CSNK2A2IP: variants seen among roughly 807,000 people sequenced by gnomAD.
The protein encoded by CSNK2A2IP is casein kinase 2 subunit alpha' interacting protein.
chr3:88,425,608 A>G, the CSNK2A2IP span, among the ~76,000 whole-genome samples: 1 of 152,164 alleles, frequency 6.6e-6, no homozygotes, highest in Non-Finnish European at 1.5e-5. Flanking sequence ...ACTGTGTTAA[A>G]TAGTGTAAAT....
chr3:88,446,032 T>TTC, the CSNK2A2IP span, among the ~76,000 whole-genome samples: 229 of 5,672 alleles, frequency 0.04, 1 homozygote, highest in Non-Finnish European at 0.061. Flanking sequence ...TTTGTTTCTT[T>TTC]TCTTTCTTTC....
the CSNK2A2IP span, among the ~76,000 whole-genome samples, chr3:88,387,439 G>A: frequency 2.6e-5 from 4 of 152,108 alleles, no homozygotes; most frequent in African/African-American, 9.7e-5. Flanking sequence ...AAAATGCTGG[G>A]ATTACAGGCA....
the CSNK2A2IP span, among the ~76,000 whole-genome samples, chr3:88,391,535 A>G: frequency 6.6e-6 from 1 of 152,240 alleles, no homozygotes; most frequent in Admixed American, 6.5e-5. Context: ...AAGCTGCAAT[A>G]GTTATTTTGT....
the CSNK2A2IP span, among the ~76,000 whole-genome samples, chr3:88,453,378 TAA>T: frequency 6.6e-6 from 1 of 152,100 alleles, no homozygotes; most frequent in African/African-American, 2.4e-5. Flanking sequence ...TGGACTGAAA[TAA>T]AAAGAAACAA....
At chr3:88,458,141 G>GGTTTTTTT in the CSNK2A2IP span, among the ~76,000 whole-genome samples, 2 of 83,304 alleles carry the variant, frequency 2.4e-5, 1 homozygote, top group Non-Finnish European at 4.5e-5. Flanking sequence ...TGTAATTGTG[G>GGTTTTTTT]TTTTTTTTTT....
At chr3:88,367,481 G>A in the CSNK2A2IP span, among the ~76,000 whole-genome samples, 4 of 152,026 alleles carry the variant, frequency 2.6e-5, no homozygotes, top group Admixed American at 6.6e-5. Context: ...TACAATATTT[G>A]TAATTAAGAT....
the CSNK2A2IP span, among the ~76,000 whole-genome samples, chr3:88,458,904 G>A: frequency 1.3e-5 from 2 of 152,122 alleles, no homozygotes; most frequent in African/African-American, 4.8e-5. Flanking sequence ...TTGTTGTATG[G>A]TTTACAATAT....
At chr3:88,444,893 GC>G in the CSNK2A2IP span, among the ~76,000 whole-genome samples, 1 of 152,174 alleles carries the variant, frequency 6.6e-6, no homozygotes, top group African/African-American at 2.4e-5. Context: ...TTGCACAGCT[GC>G]TTTCTAGAGA....
the CSNK2A2IP span, among the ~76,000 whole-genome samples, chr3:88,373,023 T>C: frequency 2.0e-5 from 3 of 151,450 alleles, no homozygotes; most frequent in East Asian, 1.9e-4. Context: ...AATAGACAAA[T>C]TAACAATTAC....
the CSNK2A2IP span, among the ~76,000 whole-genome samples, chr3:88,413,731 A>G: frequency 1.3e-5 from 2 of 151,916 alleles, no homozygotes; most frequent in African/African-American, 4.8e-5. Flanking sequence ...AGTGTTTTTA[A>G]TATTTTTCAA....
chr3:88,353,933 G>A, the CSNK2A2IP span, among the ~76,000 whole-genome samples: 10 of 152,132 alleles, frequency 6.6e-5, no homozygotes, highest in Admixed American at 3.9e-4. Context: ...AGTGTGGGAG[G>A]TGTTTGGGTC....
chr3:88,349,374 GA>G, the CSNK2A2IP span, among the ~76,000 whole-genome samples: 1 of 152,064 alleles, frequency 6.6e-6, no homozygotes, highest in Non-Finnish European at 1.5e-5. Flanking sequence ...TTATAAGTGA[GA>G]ACATATGGCA....
chr3:88,466,406 C>A, the CSNK2A2IP span: 1 of 1,231,930 alleles, frequency 8.1e-7, no homozygotes, highest in Non-Finnish European at 1.0e-6. Context: ...ACCACTTCAC[C>A]AAATGGCAAA....
the CSNK2A2IP span, among the ~76,000 whole-genome samples, chr3:88,354,066 G>C: frequency 3.9e-5 from 6 of 152,080 alleles, no homozygotes; most frequent in Admixed American, 3.3e-4. Flanking sequence ...TCTCTCTCTT[G>C]CTCCATCTCT....
the CSNK2A2IP span, among the ~76,000 whole-genome samples, chr3:88,452,512 A>G: frequency 6.6e-6 from 1 of 152,112 alleles, no homozygotes; most frequent in Admixed American, 6.6e-5. Context: ...ATACAGCTGC[A>G]AGGTGATGCT....
the CSNK2A2IP span, among the ~76,000 whole-genome samples, chr3:88,441,881 C>G: frequency 6.6e-6 from 1 of 152,030 alleles, no homozygotes; most frequent in Non-Finnish European, 1.5e-5. Context: ...AGATTTTCTT[C>G]TTGTTACCAT....
the CSNK2A2IP span, chr3:88,399,769 C>A: frequency 1.3e-5 from 2 of 152,176 alleles, no homozygotes; most frequent in Non-Finnish European, 1.5e-5. Context: ...GATGGAAAAC[C>A]TGCCCCTAAA....
chr3:88,466,521 A>G, the CSNK2A2IP span: 3 of 1,231,852 alleles, frequency 2.4e-6, no homozygotes, highest in African/African-American at 3.1e-5. Flanking sequence ...CTTCAACATT[A>G]GGTTTCAGAC....
chr3:88,419,850 C>CT, the CSNK2A2IP span, among the ~76,000 whole-genome samples: 1 of 152,092 alleles, frequency 6.6e-6, no homozygotes, highest in Non-Finnish European at 1.5e-5. Context: ...AAACCGTTTG[C>CT]TTTAAGTGTC....
Sources: gnomAD v4.1 joint callset for allele counts (sites outside exome capture counted in the v4.1 genomes callset) on GRCh38, gnomAD v4.1.1 for gene constraint, MANE v1.5 for transcripts, NCBI Gene and HGNC (gene_info 2026-07-23, HGNC 2026-07-21) for gene names.